The following DNA2 variants were observed in gnomAD, a reference collection of about 807,000 sequenced individuals.
DNA2 encodes the protein DNA replication ATP-dependent helicase/nuclease DNA2.
In DNA2, 101 loss-of-function variants were observed where a neutral mutation model predicts 119.1. The observed-to-expected ratio is 0.85, with a 90% CI of 0.72 to 1.00. DNA2 has a LOEUF of 1.00. Ranked by LOEUF, DNA2 falls within the 50% of genes least tolerant of loss-of-function variation. The pLI is 0.00. For synonymous variants in DNA2, 366 were observed against 424.4 expected, an observed-to-expected ratio of 0.86 and a Z score of 1.69; for missense variants, 1,121 against 1,255.5, an observed-to-expected ratio of 0.89 and a Z score of 1.62.
In DNA2 at chr10:68,442,902, A is replaced by G; in HGVS notation, c.1415+15T>C. 6.2e-7 allele frequency: 1 copy of G among 1,600,634 alleles called. No homozygotes were observed. Among genetic ancestry groups the G allele is most frequent in the East Asian group, 2.2e-5 (1 of 44,818 alleles). ...CAAACTACTGAAATCTTACTGTACT[A>G]AATGGACCACTTACATTTCCGAAGC... On this transcript the variant is annotated intron_variant, in intron 9 of 20. Transcript: ENST00000358410.
At chr10:68,436,988 C>T (rs747415261) in intron 10 of DNA2, 23 bp downstream of exon 10, 1 of 1,555,852 alleles carries the variant, frequency 6.4e-7, no homozygotes, top group South Asian at 1.2e-5. Flanking sequence ...AAGCTGTTAT[C>T]AAAAAAAGTA....
At chr10:68,459,384 G>C in intron 4 of DNA2, 149 bp from the exon 5 acceptor site, 2 of 777,950 alleles carry the variant, frequency 2.6e-6, no homozygotes, top group Non-Finnish European at 3.9e-6. Context: ...CCAATAAATG[G>C]ATAAACAAAA....
At chr10:68,443,711 G>C (rs2052000233) in intron 8 of DNA2, among the ~76,000 whole-genome samples, 1 of 152,190 alleles carries the variant, frequency 6.6e-6, no homozygotes. Context: ...CATTTTGGGA[G>C]GCCAAGGCGG....
intron 17 of DNA2, among the ~76,000 whole-genome samples, chr10:68,421,211 C>T (rs1028481766): frequency 2.6e-5 from 4 of 151,948 alleles, no homozygotes; most frequent in African/African-American, 4.8e-5. Context: ...ACTGGGATTA[C>T]AGGAGTGAGC....
intron 20 of DNA2, among the ~76,000 whole-genome samples, chr10:68,416,371 T>C (rs1446139494): frequency 2.6e-5 from 4 of 151,866 alleles, no homozygotes; most frequent in Non-Finnish European, 5.9e-5. Context: ...GAGGCTGAGG[T>C]AGGAAGATCA....
rs1022722019 is a variant in DNA2 at position 68,471,775 on chromosome 10, C to A, written c.74+16G>T. ...TCTCCCGCTTTGTTCCCACACCCTC[C>A]CCCCTCTCCGCTCACAGCTCCGCCG... is the stretch of plus-strand genomic sequence containing the variant. On this transcript the variant is annotated intron_variant, in intron 1 of 20. Transcript: ENST00000358410. The A allele has an allele frequency of 6.3e-7, 1 of 1,586,570 alleles. No individual in the cohort carries two copies. Among genetic ancestry groups the A allele is most frequent in the Non-Finnish European group, 8.6e-7 (1 of 1,167,382 alleles).
intron 6 of DNA2, among the ~76,000 whole-genome samples, chr10:68,448,159 A>G (rs1015530853): frequency 1.3e-5 from 2 of 152,110 alleles, no homozygotes; most frequent in Non-Finnish European, 2.9e-5. Context: ...AACAGTCTGT[A>G]GAGACTATTT....
chr10:68,467,789 G>A (rs913643201), intron 3 of DNA2, among the ~76,000 whole-genome samples: 1 of 152,090 alleles, frequency 6.6e-6, no homozygotes, highest in Admixed American at 6.6e-5. Context: ...ATCACATGAA[G>A]CCAACTTTGG....
chr10:68,435,686 C>T (rs2051880053), intron 10 of DNA2, among the ~76,000 whole-genome samples: 1 of 149,764 alleles, frequency 6.7e-6, no homozygotes, highest in Non-Finnish European at 1.5e-5. Flanking sequence ...CTTGATCTGA[C>T]CTTGTGATCC....
At position 68,446,379 on chromosome 10, in the gene DNA2, C is replaced by G. The variant is rs773480400; in HGVS notation, c.974G>C (p.Arg325Thr). 6.3e-7 allele frequency: 1 copy of G among 1,595,248 alleles called. No homozygotes were observed. The highest frequency in any genetic ancestry group is 1.3e-5 in the African/African-American group (1 of 74,740). Residue 325 changes from arginine (R) to threonine (T), a missense_variant, in exon 7 of 21, where the codon AGA becomes ACA. Physicochemically the swap from Arg to Thr is moderately conservative, Grantham distance 71. Transcript: ENST00000358410. Reference protein sequence around the residue: ...VLYTLLSQERRADPEAGLLLY... With the variant: ...VLYTLLSQERTADPEAGLLLY... Reference sequence around the variant, plus strand: ...AAGCAAGCCAGCCTCTGGATCAGCTCTTCTCTCTTGGCTTAGTAGAGTGTA... The same window carrying G: ...AAGCAAGCCAGCCTCTGGATCAGCTGTTCTCTCTTGGCTTAGTAGAGTGTA...
chr10:68,450,755 A>G (rs760046671), intron 5 of DNA2, among the ~76,000 whole-genome samples: 1 of 152,214 alleles, frequency 6.6e-6, no homozygotes, highest in Non-Finnish European at 1.5e-5. Flanking sequence ...ATTAGTATGT[A>G]ATGGCTTGCA....
At chr10:68,434,349 A>G (rs1419195899) in intron 10 of DNA2, among the ~76,000 whole-genome samples, 1 of 152,030 alleles carries the variant, frequency 6.6e-6, no homozygotes, top group African/African-American at 2.4e-5. Context: ...ATTTGAACAC[A>G]TATCAGATTG....
Position 68,419,129 on chromosome 10 carries a change from T to C in DNA2, c.2872A>G (p.Ile958Val), listed in dbSNP as rs575412271. 3.7e-6 allele frequency: 6 copies of C among 1,613,506 alleles called. No homozygotes were observed. In the South Asian group the frequency reaches 6.6e-5, roughly 18 times the overall value. ...ACTGTATTAACTTCGACCATCCCAA[T>C]AGAACGTGCCAATAAATCATTGATG... is the stretch of plus-strand genomic sequence containing the variant. ...KIINDLLARS[I>V]GMVEVNTVDK... is the part of the protein sequence containing the mutation. Residue 958 changes from isoleucine to valine, a missense_variant, in exon 19 of 21, where the codon ATT becomes GTT. By Grantham distance (29) the Ile-to-Val change is conservative (BLOSUM62 3). Transcript: ENST00000358410.
chr10:68,472,012 C>A (rs1167476473), upstream of DNA2: 1 of 1,608,886 alleles, frequency 6.2e-7, no homozygotes, highest in African/African-American at 1.3e-5. Flanking sequence ...CTGCGCCAGG[C>A]CGCCCCTCCC....
At chr10:68,435,456 C>CAT (rs58782167) in intron 10 of DNA2, among the ~76,000 whole-genome samples, 82 of 144,756 alleles carry the variant, frequency 5.7e-4, no homozygotes, top group Admixed American at 2.1e-3. Context: ...TATACATACA[C>CAT]ATATATATAT....
At chr10:68,447,120 G>A (rs1451418154) in intron 6 of DNA2, among the ~76,000 whole-genome samples, 1 of 151,978 alleles carries the variant, frequency 6.6e-6, no homozygotes, top group Non-Finnish European at 1.5e-5. Context: ...ATCCATGAAC[G>A]TATACACCTA....
rs2051811781 is a variant in DNA2 at position 68,430,907 on chromosome 10, G to A, written c.1984-247C>T. ...CCAGCACTTTGGGAGGCTGAGGCAA[G>A]TGGATCACTTGAACCCAGAAATTCA... On this transcript the variant is annotated intron_variant, in intron 13 of 20. Coordinates refer to ENST00000358410, the MANE Select transcript of DNA2 (RefSeq NM_001080449.3). Among the ~76,000 whole-genome samples, 3 of 152,276 alleles carry A rather than the reference G, an allele frequency of 2.0e-5. No homozygotes were observed. In the South Asian group the frequency reaches 6.2e-4, roughly 32 times the overall value.
At chr10:68,416,599 G>C in intron 20 of DNA2, 110 bp downstream of exon 20, 1 of 1,119,378 alleles carries the variant, frequency 8.9e-7, no homozygotes, top group Non-Finnish European at 1.3e-6. Context: ...CTTGAGCCCA[G>C]GAGTTCAAGA....
intron 14 of DNA2, among the ~76,000 whole-genome samples, chr10:68,426,654 G>A (rs1196976984): frequency 1.3e-5 from 2 of 151,418 alleles, no homozygotes; most frequent in South Asian, 2.1e-4. Context: ...TCTAAGAGAC[G>A]GTGAAACCCC....
Sources: gnomAD v4.1 joint callset for allele counts (sites outside exome capture counted in the v4.1 genomes callset) on GRCh38, gnomAD v4.1.1 for gene constraint, MANE v1.5 for transcripts, NCBI Gene and HGNC (gene_info 2026-07-23, HGNC 2026-07-21) for gene names.